The following MAP4K4 variants were observed in gnomAD, a reference collection of about 807,000 sequenced individuals.
MAP4K4 encodes the protein HPK/GCK-like kinase HGK.
In MAP4K4, 38 loss-of-function variants were observed where a neutral mutation model predicts 189.6. The ratio of observed to expected loss-of-function variants is 0.20; its 90% CI spans 0.15 to 0.26. The LOEUF is 0.26. Among genes scored for constraint, MAP4K4 ranks in the 10% least tolerant of loss-of-function variants. The pLI, the probability that MAP4K4 is intolerant of heterozygous loss-of-function variation, is 1.00. For synonymous variants in MAP4K4, 610 were observed against 624.3 expected (o/e 0.98, Z 0.34); for missense variants, 1,054 against 1,726.9 (o/e 0.61, Z 6.91).
At position 101,866,529 on chromosome 2, in the gene MAP4K4, G is replaced by C. The variant is rs755404987; in HGVS notation, c.2306G>C (p.Gly769Ala). 1.9e-6 allele frequency: 3 copies of C among 1,613,714 alleles called. No homozygotes were observed. In the South Asian group the frequency reaches 3.3e-5, roughly 18 times the overall value. ...TCCAGCAACTCAGGATCCCAGCCCG[G>C]GTCTCACCCTGGGTCTCAGAGTGGC... The change falls in exon 19 of 33, where the codon GGG (glycine) becomes GCG (alanine). Residue 769 changes from glycine (G) to alanine (A), a missense_variant. Coordinates refer to ENST00000324219, the Ensembl canonical transcript of MAP4K4.
chr2:101,890,630 T>A (rs1251432074), intron 32 of MAP4K4, among the ~76,000 whole-genome samples: 1 of 151,056 alleles, frequency 6.6e-6, no homozygotes, highest in Non-Finnish European at 1.5e-5. Context: ...TAATTTTTTG[T>A]GTTTTTAGTA....
intron 3 of MAP4K4, among the ~76,000 whole-genome samples, chr2:101,798,337 A>C (rs566833232): frequency 6.6e-6 from 1 of 152,188 alleles, no homozygotes; most frequent in Non-Finnish European, 1.5e-5. Context: ...CTTGAGGACA[A>C]TATCAGCCCC....
chr2:101,891,338 C>T (rs919106067), exon 33 of MAP4K4: 10 of 1,097,086 alleles, frequency 9.1e-6, no homozygotes, highest in Non-Finnish European at 1.4e-5. Flanking sequence ...CGGAGCTGCA[C>T]CGAGGGCAAC....
intron 24 of MAP4K4, among the ~76,000 whole-genome samples, chr2:101,873,149 A>G (rs997028269): frequency 1.3e-5 from 2 of 152,200 alleles, no homozygotes; most frequent in Non-Finnish European, 2.9e-5. Flanking sequence ...TGATGCACCT[A>G]AAACAACAGT....
At chr2:101,825,792 A>G (rs1054908105) in intron 5 of MAP4K4, among the ~76,000 whole-genome samples, 2 of 152,240 alleles carry the variant, frequency 1.3e-5, no homozygotes, top group Non-Finnish European at 2.9e-5. Context: ...CTTATAAATC[A>G]ATACTAATGG....
chr2:101,783,419 A>T (rs1475808279), intron 2 of MAP4K4, among the ~76,000 whole-genome samples: 2 of 152,218 alleles, frequency 1.3e-5, no homozygotes, highest in African/African-American at 4.8e-5. Flanking sequence ...GGGAAAGAGA[A>T]CTTGAGTTTG....
intron 2 of MAP4K4, among the ~76,000 whole-genome samples, chr2:101,757,718 A>C (rs995487380): frequency 1.3e-5 from 2 of 152,166 alleles, no homozygotes; most frequent in Non-Finnish European, 2.9e-5. Context: ...AACAAAAGCT[A>C]ATAATAAAAT....
At chr2:101,729,681 G>A (rs993362497) in intron 2 of MAP4K4, among the ~76,000 whole-genome samples, 1 of 152,146 alleles carries the variant, frequency 6.6e-6, no homozygotes, top group Non-Finnish European at 1.5e-5. Flanking sequence ...TTGGCTCAGG[G>A]CCTCACTATG....
At chr2:101,817,076 A>G (rs2095773021) in intron 3 of MAP4K4, among the ~76,000 whole-genome samples, 1 of 151,756 alleles carries the variant, frequency 6.6e-6, no homozygotes, top group Non-Finnish European at 1.5e-5. Flanking sequence ...TAGAGGTAAT[A>G]TTTGGTAGCA....
intron 29 of MAP4K4, among the ~76,000 whole-genome samples, chr2:101,886,211 C>T (rs1324037030): frequency 1.3e-5 from 2 of 152,062 alleles, no homozygotes; most frequent in African/African-American, 2.4e-5. Context: ...TACCAGGTAC[C>T]GTACTAGTTG....
chr2:101,876,960 A>T, intron 26 of MAP4K4, 43 bp from the exon 27 acceptor site: 2 of 1,608,136 alleles, frequency 1.2e-6, no homozygotes, highest in South Asian at 2.2e-5. Flanking sequence ...GGGATTTGCC[A>T]AGCACAGCAT....
chr2:101,893,502 A>G, exon 33 of MAP4K4: 1 of 330,316 alleles, frequency 3.0e-6, no homozygotes, highest in Non-Finnish European at 6.0e-6. Context: ...GGCTTTTCAT[A>G]AGATGAAACA....
At position 101,835,997 on chromosome 2, in the gene MAP4K4, TTTG is replaced by T; in HGVS notation, c.773+25_773+27del. 1 of 1,571,156 alleles carries T rather than the reference TTTG, an allele frequency of 6.4e-7. No individual in the cohort carries two copies. The highest frequency in any genetic ancestry group is 8.8e-7 in the Non-Finnish European group (1 of 1,141,970). ...AAAAATGGTAAGCTATATATGGTTT[TTTG>T]TTGTTCTTTTCCCTTTTTTTTAAAT... On this transcript the variant is annotated intron_variant, in intron 9 of 32. Transcript: ENST00000324219.
intron 28 of MAP4K4, among the ~76,000 whole-genome samples, chr2:101,883,385 G>A (rs1366778648): frequency 6.6e-6 from 1 of 151,880 alleles, no homozygotes; most frequent in Non-Finnish European, 1.5e-5. Flanking sequence ...AGGCTGGAGC[G>A]CAATGGTGCG....
In MAP4K4 at chr2:101,854,317, A is replaced by G. The variant is rs148247842; in HGVS notation, c.1234-1660A>G. ...GATAAATAAAGATGGCATAGCCATTAAAGTTGTAGTTTTTAGATACTAGAG... is the reference window on the plus strand; with the variant it reads ...GATAAATAAAGATGGCATAGCCATTGAAGTTGTAGTTTTTAGATACTAGAG... On this transcript the variant is annotated intron_variant, in intron 12 of 32. Transcript: ENST00000324219. Among the ~76,000 whole-genome samples the G allele has an allele frequency of 5.3e-5, 8 of 152,306 alleles. No homozygotes were observed. The East Asian group carries it at 1.5e-3, about 29-fold the overall frequency.
chr2:101,765,824 A>G (rs150946215), intron 2 of MAP4K4, among the ~76,000 whole-genome samples: 7 of 152,314 alleles, frequency 4.6e-5, no homozygotes, highest in African/African-American at 1.7e-4. Context: ...TTAAAAGTAG[A>G]CAAAATAGTA....
intron 9 of MAP4K4, among the ~76,000 whole-genome samples, chr2:101,838,327 A>G (rs2096823600): frequency 6.6e-6 from 1 of 152,228 alleles, no homozygotes; most frequent in Admixed American, 6.5e-5. Context: ...GTGTTAAAGC[A>G]TTTCACTGTA....
intron 29 of MAP4K4, among the ~76,000 whole-genome samples, chr2:101,885,543 G>A (rs1006919604): frequency 6.6e-6 from 1 of 152,192 alleles, no homozygotes; most frequent in Non-Finnish European, 1.5e-5. Flanking sequence ...GTTCACAGAG[G>A]AAAAGAGAAC....
At chr2:101,736,753 C>T (rs1255416557) in intron 2 of MAP4K4, among the ~76,000 whole-genome samples, 1 of 152,152 alleles carries the variant, frequency 6.6e-6, no homozygotes, top group Non-Finnish European at 1.5e-5. Flanking sequence ...ATTGTTGATT[C>T]TTCCTGCCAG....
Sources: gnomAD v4.1 joint callset for allele counts (sites outside exome capture counted in the v4.1 genomes callset) on GRCh38, gnomAD v4.1.1 for gene constraint, MANE v1.5 for transcripts, NCBI Gene and HGNC (gene_info 2026-07-23, HGNC 2026-07-21) for gene names.